The following ATRN variants were observed in gnomAD, a reference collection of about 807,000 sequenced individuals.
ATRN encodes the protein attractin.
ATRN carries 54 observed loss-of-function variants against 178.7 expected under a neutral mutation model. That is an observed-to-expected ratio of 0.30 (90% CI 0.24 to 0.38). The LOEUF (loss-of-function observed/expected upper bound fraction) is 0.38, where lower values mean the gene tolerates loss of function less well. Ranked by LOEUF, ATRN falls within the 10% of genes least tolerant of loss-of-function variation. The pLI is 1.00. For missense variants in ATRN, 1,443 were observed against 1,815.1 expected, an observed-to-expected ratio of 0.79 and a Z score of 3.73; for synonymous variants, 636 against 663.0, an observed-to-expected ratio of 0.96 and a Z score of 0.63.
intron 7 of ATRN, 127 bp from the exon 8 acceptor site, chr20:3,560,535 A>C: frequency 2.7e-6 from 2 of 738,716 alleles, no homozygotes; most frequent in Non-Finnish European, 4.3e-6. Flanking sequence ...ATCATAGGGT[A>C]GTTCTATTTT....
At chr20:3,490,676 C>T in intron 1 of ATRN, 2 of 824,056 alleles carry the variant, frequency 2.4e-6, no homozygotes, top group Middle Eastern at 3.0e-4. Flanking sequence ...TCTGAGCCTT[C>T]AGGAGCTCCT....
At chr20:3,584,128 A>G (rs1314872546) in intron 17 of ATRN, 45 bp downstream of exon 17, 3 of 1,570,052 alleles carry the variant, frequency 1.9e-6, no homozygotes, top group East Asian at 2.2e-5. Context: ...TGCCCTCTGT[A>G]TAGGCAACAA....
intron 1 of ATRN, among the ~76,000 whole-genome samples, chr20:3,508,701 G>T (rs1045657598): frequency 2.0e-5 from 3 of 152,222 alleles, no homozygotes; most frequent in Non-Finnish European, 4.4e-5. Flanking sequence ...AGAGGAATGA[G>T]GAGCAGTGGA....
At chr20:3,522,766 A>G (rs1011527667) in intron 1 of ATRN, among the ~76,000 whole-genome samples, 6 of 152,180 alleles carry the variant, frequency 3.9e-5, no homozygotes, top group African/African-American at 9.7e-5. Context: ...GGTGATACCC[A>G]GGCAAATAGG....
intron 28 of ATRN, 88 bp from the exon 29 acceptor site, chr20:3,646,635 G>A: frequency 6.9e-7 from 1 of 1,446,410 alleles, no homozygotes. Context: ...TGCACCATGG[G>A]ATTGAAAAAT....
intron 24 of ATRN, among the ~76,000 whole-genome samples, chr20:3,622,362 A>G (rs891713428): frequency 2.0e-5 from 3 of 152,266 alleles, no homozygotes; most frequent in Non-Finnish European, 2.9e-5. Flanking sequence ...TTGTGCGAGC[A>G]GTTCTCCAAC....
chr20:3,624,521 C>G lies in ATRN; in HGVS notation c.3812C>G (p.Ser1271Cys). 1 of 1,614,028 alleles carries G rather than the reference C, an allele frequency of 6.2e-7. No homozygotes were observed. The highest frequency in any genetic ancestry group is 8.5e-7 in the Non-Finnish European group (1 of 1,179,898). Residue 1271 changes from serine to cysteine, a missense_variant, in exon 25 of 29, where the codon TCT (serine) becomes TGT (cysteine). Physicochemically the swap from Ser to Cys is moderately radical, Grantham distance 112. Coordinates refer to ENST00000262919, the MANE Select transcript of ATRN (RefSeq NM_139321.3). ...GTTTTTCTGTCACAGATTGCCTTCT[C>G]TCAGCACAGCAATTTTATGGACCTG... is the stretch of plus-strand genomic sequence containing the variant. ...TWPIKIQIAF[S>C]QHSNFMDLVQ...
intron 1 of ATRN, among the ~76,000 whole-genome samples, chr20:3,497,063 G>A (rs572938483): frequency 2.6e-5 from 4 of 151,216 alleles, no homozygotes; most frequent in Admixed American, 6.6e-5. Context: ...GTCTCTGCAC[G>A]TGAGATGGGT....
intron 11 of ATRN, among the ~76,000 whole-genome samples, chr20:3,566,944 A>G (rs371647044): frequency 6.6e-6 from 1 of 151,212 alleles, no homozygotes; most frequent in African/African-American, 2.4e-5. Context: ...AGAAGGTGAC[A>G]TATTTTGGAG....
intron 2 of ATRN, among the ~76,000 whole-genome samples, chr20:3,536,825 AAG>A (rs1183724149): frequency 2.6e-5 from 4 of 152,310 alleles, no homozygotes; most frequent in East Asian, 1.9e-4. Context: ...AGTAGGAAAA[AAG>A]AGATTTTAAT....
intron 1 of ATRN, among the ~76,000 whole-genome samples, chr20:3,524,405 A>G (rs568491289): frequency 5.3e-5 from 8 of 152,316 alleles, no homozygotes; most frequent in African/African-American, 1.7e-4. Flanking sequence ...GAGCACCCAG[A>G]TTCGTAAAGC....
At chr20:3,553,727 G>T (rs2085821681) in intron 6 of ATRN, among the ~76,000 whole-genome samples, 1 of 152,184 alleles carries the variant, frequency 6.6e-6, no homozygotes, top group African/African-American at 2.4e-5. Context: ...CTGTGTGTTT[G>T]CCCTTCCCTT....
intron 18 of ATRN, among the ~76,000 whole-genome samples, 192 bp downstream of exon 18, chr20:3,585,072 G>C (rs201523951): frequency 1.3e-5 from 2 of 152,176 alleles, no homozygotes; most frequent in Admixed American, 6.5e-5. Flanking sequence ...AGTGGTGGTG[G>C]GTTCCTAAGA....
chr20:3,590,708 A>G (rs2086429297), intron 18 of ATRN, among the ~76,000 whole-genome samples: 2 of 152,364 alleles, frequency 1.3e-5, no homozygotes, highest in Non-Finnish European at 1.5e-5. Flanking sequence ...TTGATGAAAT[A>G]AGGTGGTAAA....
chr20:3,616,361 G>A (rs1390294749), intron 24 of ATRN, among the ~76,000 whole-genome samples: 3 of 152,258 alleles, frequency 2.0e-5, no homozygotes, highest in Non-Finnish European at 2.9e-5. Flanking sequence ...CAGGCACCTC[G>A]TTAGAAGCTC....
At chr20:3,560,359 G>A (rs1033324531) in intron 7 of ATRN, among the ~76,000 whole-genome samples, 1 of 152,064 alleles carries the variant, frequency 6.6e-6, no homozygotes, top group Non-Finnish European at 1.5e-5. Context: ...GCTCCATTGT[G>A]TATATATACA....
chr20:3,513,703 A>G (rs1266825838), intron 1 of ATRN, among the ~76,000 whole-genome samples: 2 of 152,202 alleles, frequency 1.3e-5, no homozygotes, highest in African/African-American at 4.8e-5. Context: ...CTTTTTCACC[A>G]TATTGATTCT....
At chr20:3,554,593 C>T (rs1384053144) in intron 6 of ATRN, among the ~76,000 whole-genome samples, 1 of 152,052 alleles carries the variant, frequency 6.6e-6, no homozygotes, top group Non-Finnish European at 1.5e-5. Context: ...CTCGGCCTCC[C>T]AAAGTGCTGG....
intron 1 of ATRN, among the ~76,000 whole-genome samples, chr20:3,481,358 T>C (rs1227769128): frequency 6.6e-6 from 1 of 152,190 alleles, no homozygotes; most frequent in East Asian, 1.9e-4. Context: ...TTCGAGTGTT[T>C]GAGACAGGGG....
Sources: gnomAD v4.1 joint callset for allele counts (sites outside exome capture counted in the v4.1 genomes callset) on GRCh38, gnomAD v4.1.1 for gene constraint, MANE v1.5 for transcripts, NCBI Gene and HGNC (gene_info 2026-07-23, HGNC 2026-07-21) for gene names.